The following ZNF521 variants were observed in gnomAD, a reference collection of about 807,000 sequenced individuals.
ZNF521 encodes LYST-interacting protein 3.
A neutral mutation model predicts 105.5 loss-of-function variants in ZNF521; 14 were observed. The observed-to-expected ratio is 0.13, with a 90% CI of 0.09 to 0.21. The LOEUF is 0.21. ZNF521 is among the 10% of genes least tolerant of loss of function. The probability of loss-of-function intolerance (pLI) is 1.00; values close to 1 mark genes in which losing one functional copy is unlikely to be tolerated. For missense variants in ZNF521, 1,233 were observed against 1,629.7 expected, an observed-to-expected ratio of 0.76 and a Z score of 4.19; for synonymous variants, 635 against 606.0, an observed-to-expected ratio of 1.05 and a Z score of -0.70.
chr18:25,109,581 G>A (rs1051823264), intron 5 of ZNF521, among the ~76,000 whole-genome samples: 1 of 152,142 alleles, frequency 6.6e-6, no homozygotes, highest in Non-Finnish European at 1.5e-5. Context: ...GTATATAAGT[G>A]TTCCCTTTTC....
chr18:25,077,258 C>G (rs1158202922), intron 7 of ZNF521, among the ~76,000 whole-genome samples: 2 of 152,198 alleles, frequency 1.3e-5, no homozygotes, highest in Non-Finnish European at 2.9e-5. Flanking sequence ...CTATGTTATT[C>G]AACGTGTATT....
At chr18:25,328,402 AACAC>A (rs57967888) in intron 2 of ZNF521, among the ~76,000 whole-genome samples, 34,902 of 141,410 alleles carry the variant, frequency 0.25, 4,376 homozygotes, top group East Asian at 0.4. Flanking sequence ...GGGGAGGTTA[AACAC>A]ACACACACAC....
chr18:25,194,781 G>T (rs534489877), intron 5 of ZNF521, among the ~76,000 whole-genome samples: 1 of 151,564 alleles, frequency 6.6e-6, no homozygotes, highest in Non-Finnish European at 1.5e-5. Context: ...CTTAAGCAAC[G>T]CACAACAGTG....
intron 2 of ZNF521, among the ~76,000 whole-genome samples, chr18:25,331,707 TCAAC>T (rs1440501527): frequency 3.3e-5 from 5 of 152,130 alleles, no homozygotes; most frequent in Non-Finnish European, 7.4e-5. Context: ...GTTAACTATC[TCAAC>T]AATTGCTGAG....
intron 5 of ZNF521, among the ~76,000 whole-genome samples, chr18:25,139,731 T>C (rs2144430536): frequency 6.6e-6 from 1 of 152,284 alleles, no homozygotes; most frequent in South Asian, 2.1e-4. Context: ...TGCTCTGTGT[T>C]AAGTAATACA....
At chr18:25,332,578 G>GT (rs1913639618) in intron 2 of ZNF521, among the ~76,000 whole-genome samples, 1 of 152,072 alleles carries the variant, frequency 6.6e-6, no homozygotes, top group African/African-American at 2.4e-5. Context: ...TATTGATTTA[G>GT]TTCCATTTCT....
chr18:25,206,738 C>T (rs1388850351), intron 4 of ZNF521, among the ~76,000 whole-genome samples: 1 of 152,194 alleles, frequency 6.6e-6, no homozygotes, highest in Non-Finnish European at 1.5e-5. Flanking sequence ...TCCATCCATT[C>T]CACTTGAACA....
intron 5 of ZNF521, among the ~76,000 whole-genome samples, chr18:25,133,031 G>C (rs2034669325): frequency 6.6e-6 from 1 of 152,136 alleles, no homozygotes; most frequent in Non-Finnish European, 1.5e-5. Context: ...GGGCGGTCTT[G>C]GTAGGTTTCC....
chr18:25,126,244 A>G (rs1567973364), intron 5 of ZNF521, among the ~76,000 whole-genome samples: 1 of 152,132 alleles, frequency 6.6e-6, no homozygotes, highest in East Asian at 1.9e-4. Flanking sequence ...ATTGACCAGA[A>G]AATATCCTTC....
chr18:25,130,232 A>G (rs897427308), intron 5 of ZNF521, among the ~76,000 whole-genome samples: 1 of 152,240 alleles, frequency 6.6e-6, no homozygotes, highest in Non-Finnish European at 1.5e-5. Context: ...AAAAGAAGCC[A>G]GTCTGAAAAG....
rs1434465654 is a variant in ZNF521 at position 25,325,429 on chromosome 18, C to T, written c.41-3242G>A. Among the ~76,000 whole-genome samples, 3 of 152,142 alleles carry T rather than the reference C, an allele frequency of 2.0e-5. No individual in the cohort carries two copies. The East Asian group carries it at 5.8e-4, about 29-fold the overall frequency. On this transcript the variant is annotated intron_variant, in intron 2 of 7. Coordinates refer to ENST00000361524, the MANE Select transcript of ZNF521 (RefSeq NM_015461.3). ...AGCCATTCAAACCTCTGACTTCAAC[C>T]TAAGGGGTTATAAATACAAGGTCCA...
In ZNF521 at chr18:25,225,412, C is replaced by T. The variant is rs138180600; in HGVS notation, c.2506G>A (p.Glu836Lys). 4.3e-5 allele frequency: 69 copies of T among 1,614,100 alleles called. No homozygotes were observed. The highest frequency in any genetic ancestry group is 3.6e-4 in the East Asian group (16 of 44,872). The change falls in exon 4 of 8, where the codon GAA (glutamate) becomes AAA (lysine). Residue 836 changes from glutamate (E) to lysine (K), a missense_variant. Coordinates refer to ENST00000361524, the MANE Select transcript of ZNF521 (RefSeq NM_015461.3). The surrounding 1 kb of genome is among the most constrained non-coding windows in gnomAD (Gnocchi z 5.6). ...GTTCCACAGTTGGGTGTCTTGGTTT[C>T]GAATACACAGTGTTTTTCTCGCAAG... is the stretch of plus-strand genomic sequence containing the variant. The part of the protein sequence containing the change: ...KHLREKHCVF[E>K]TKTPNCGTNG...
At chr18:25,248,134 T>G (rs1907856551) in intron 3 of ZNF521, among the ~76,000 whole-genome samples, 1 of 152,108 alleles carries the variant, frequency 6.6e-6, no homozygotes, top group Admixed American at 6.5e-5. Context: ...AAGTCAGCTA[T>G]CTTGACACCA....
chr18:25,131,998 A>AT (rs570947195), intron 5 of ZNF521, among the ~76,000 whole-genome samples: 51 of 152,210 alleles, frequency 3.4e-4, no homozygotes, highest in Admixed American at 2.0e-3. Flanking sequence ...GAAAGAAAGG[A>AT]TTTTTTAAAA....
chr18:25,259,033 G>T (rs1200081336), intron 3 of ZNF521, among the ~76,000 whole-genome samples: 1 of 152,162 alleles, frequency 6.6e-6, no homozygotes, highest in Non-Finnish European at 1.5e-5. Context: ...CCTAATATGT[G>T]CCTAAGAACA....
chr18:25,256,941 A>G (rs922756080), intron 3 of ZNF521, among the ~76,000 whole-genome samples: 5 of 152,168 alleles, frequency 3.3e-5, no homozygotes, highest in African/African-American at 9.7e-5. Flanking sequence ...ATGGCAAAAA[A>G]TACTTCAATA....
At chr18:25,322,292 T>G (rs752700824) in intron 2 of ZNF521, 105 bp from the exon 3 acceptor site, 1 of 1,158,980 alleles carries the variant, frequency 8.6e-7, no homozygotes, top group African/African-American at 1.5e-5. Flanking sequence ...TTCCTTGAAG[T>G]TGCAATAGGA....
intron 5 of ZNF521, among the ~76,000 whole-genome samples, chr18:25,106,677 G>T (rs992993705): frequency 6.6e-6 from 1 of 152,048 alleles, no homozygotes; most frequent in Non-Finnish European, 1.5e-5. Flanking sequence ...CTTGTGTGTT[G>T]CTTAAATATT....
rs1250554039 is a variant in ZNF521 at position 25,264,056 on chromosome 18, T to C, written c.221-36359A>G. On this transcript the variant is annotated intron_variant, in intron 3 of 7. Coordinates refer to ENST00000361524, the MANE Select transcript of ZNF521 (RefSeq NM_015461.3). ...AAGTATTTTACTTGTTCCAGATAGA[T>C]ACCATGAAAAAGGTGTGGTACCCTC... Among the ~76,000 whole-genome samples, 8 of 152,328 alleles carry C rather than the reference T, an allele frequency of 5.3e-5. No homozygotes were observed. The South Asian group carries it at 1.0e-3, about 20-fold the overall frequency.
Sources: gnomAD v4.1 joint callset for allele counts (sites outside exome capture counted in the v4.1 genomes callset) on GRCh38, gnomAD v4.1.1 for gene constraint, Gnocchi (gnomAD v3.1) non-coding constraint, MANE v1.5 for transcripts, NCBI Gene and HGNC (gene_info 2026-07-23, HGNC 2026-07-21) for gene names.